The following NTRK3 variants were observed in gnomAD, a reference collection of about 807,000 sequenced individuals.
The protein encoded by NTRK3 is neurotrophic receptor tyrosine kinase 3.
A neutral mutation model predicts 91.7 loss-of-function variants in NTRK3; 24 were observed. The observed-to-expected ratio is 0.26, with a 90% CI of 0.19 to 0.37. NTRK3 has a LOEUF of 0.37. NTRK3 is among the 10% of genes least tolerant of loss of function. NTRK3 has a pLI of 1.00. For synonymous variants in NTRK3, 483 were observed against 404.0 expected, an observed-to-expected ratio of 1.20 and a Z score of -2.34; for missense variants, 880 against 1,068.9, an observed-to-expected ratio of 0.82 and a Z score of 2.46.
intron 17 of NTRK3, 160 bp downstream of exon 17, chr15:87,929,031 A>G (rs2068565019): frequency 2.1e-6 from 2 of 972,122 alleles, no homozygotes. Flanking sequence ...CAGGTATGTC[A>G]AGATGCAAGA....
chr15:88,116,881 A>C (rs2151024165), intron 13 of NTRK3, among the ~76,000 whole-genome samples: 1 of 152,320 alleles, frequency 6.6e-6, no homozygotes, highest in South Asian at 2.1e-4. Flanking sequence ...AATCACCCCA[A>C]GTTTGATTCA....
chr15:88,077,310 A>C (rs1025799398), intron 13 of NTRK3, among the ~76,000 whole-genome samples: 2 of 151,874 alleles, frequency 1.3e-5, no homozygotes, highest in Admixed American at 1.3e-4. Context: ...CCCCAGACCA[A>C]TGTTTTATCT....
chr15:88,057,202 A>T (rs1268091270), intron 13 of NTRK3, among the ~76,000 whole-genome samples: 2 of 150,176 alleles, frequency 1.3e-5, no homozygotes, highest in East Asian at 4.0e-4. Context: ...GAAAAAAAGA[A>T]ATGTGTCCTG....
Position 87,914,251 on chromosome 15 carries a change from C to T in NTRK3, c.2133+14940G>A, listed in dbSNP as rs540162502. Among the ~76,000 whole-genome samples the T allele has an allele frequency of 4.1e-3, 624 of 152,292 alleles. 2 individuals are homozygous for T. The highest frequency in any genetic ancestry group is 0.017 in the Middle Eastern group (5 of 294). ...TTCTCTGTGTGCAATAATAAATTTC[C>T]TTTTGGTGCTAACTCCATTCTTATG... On this transcript the variant is annotated intron_variant, in intron 17 of 18. Transcript: ENST00000394480.
At position 88,098,931 on chromosome 15, in the gene NTRK3, G is replaced by C. The variant is rs1031859056; in HGVS notation, c.1396+27340C>G. The C allele has an allele frequency of 1.7e-5, 4 of 232,426 alleles. No homozygotes were observed. The East Asian group carries it at 1.8e-4, about 11-fold the overall frequency. 14.4% of individuals were successfully genotyped at this position (232,426 alleles called of 1,614,324 possible). The stretch of plus-strand genomic sequence containing the variant: ...AAATCTGTAGGTTTAAAAAAGTCTT[G>C]ATTACTGGGGTTTTTAATTTGTGGC... On this transcript the variant is annotated intron_variant, in intron 13 of 18. Transcript: ENST00000394480.
chr15:88,047,392 G>T (rs2142229745), intron 13 of NTRK3, among the ~76,000 whole-genome samples: 1 of 152,152 alleles, frequency 6.6e-6, no homozygotes, highest in African/African-American at 2.4e-5. Flanking sequence ...GTAGATGGTG[G>T]GGAGATTCTA....
intron 14 of NTRK3, among the ~76,000 whole-genome samples, chr15:87,956,610 C>T (rs535161336): frequency 2.6e-5 from 4 of 151,098 alleles, no homozygotes; most frequent in African/African-American, 9.7e-5. Flanking sequence ...TGCTGTGCTG[C>T]CCAGGCTGGA....
intron 14 of NTRK3, among the ~76,000 whole-genome samples, chr15:87,993,429 T>C (rs551311876): frequency 7.9e-5 from 12 of 152,270 alleles, no homozygotes; most frequent in Middle Eastern, 3.4e-3. Flanking sequence ...AGATTTGTGA[T>C]GATGAAGAAG....
chr15:88,160,246 G>C (rs569160884), intron 5 of NTRK3, among the ~76,000 whole-genome samples: 12 of 152,278 alleles, frequency 7.9e-5, no homozygotes, highest in Admixed American at 3.9e-4. Context: ...GGGAAGAGAC[G>C]AGCACGTAGC....
intron 17 of NTRK3, among the ~76,000 whole-genome samples, chr15:87,886,677 T>TATATATATATAC (rs2065558285): frequency 3.1e-5 from 1 of 31,970 alleles, no homozygotes; most frequent in Admixed American, 3.8e-4. Context: ...CACTTTTTGC[T>TATATATATATAC]ATATATATAT....
exon 19 of NTRK3, chr15:87,873,918 C>T (rs1465888782): frequency 2.2e-5 from 5 of 230,384 alleles, no homozygotes; most frequent in Admixed American, 1.1e-4. Flanking sequence ...CAACTGCCCC[C>T]CACCTATGCA....
chr15:88,079,070 G>C (rs1175673204), intron 13 of NTRK3, among the ~76,000 whole-genome samples: 1 of 152,212 alleles, frequency 6.6e-6, no homozygotes, highest in East Asian at 1.9e-4. Flanking sequence ...GGGGAGCCCA[G>C]TCGGTGGATG....
At chr15:88,225,914 G>A (rs576910466) in intron 3 of NTRK3, among the ~76,000 whole-genome samples, 2 of 152,320 alleles carry the variant, frequency 1.3e-5, no homozygotes, top group Non-Finnish European at 2.9e-5. Context: ...GACATGCACA[G>A]CCTGCTGCTG....
intron 5 of NTRK3, among the ~76,000 whole-genome samples, chr15:88,155,032 C>T (rs2043757064): frequency 6.6e-6 from 1 of 152,142 alleles, no homozygotes; most frequent in African/African-American, 2.4e-5. Flanking sequence ...CAAAACACAG[C>T]CATGTCCATT....
intron 14 of NTRK3, among the ~76,000 whole-genome samples, chr15:87,976,249 C>G (rs1364641888): frequency 1.3e-5 from 2 of 152,178 alleles, no homozygotes; most frequent in East Asian, 3.9e-4. Context: ...GCTTGGTCTA[C>G]CCCTCACCCA....
Position 88,157,120 on chromosome 15 carries a change from C to T in NTRK3, c.396-9717G>A, listed in dbSNP as rs527666359. Among the ~76,000 whole-genome samples the T allele has an allele frequency of 3.3e-5, 5 of 152,234 alleles. No individual in the cohort carries two copies. The South Asian group carries it at 1.0e-3, about 32-fold the overall frequency. ...GGGACCTCTTTCTGTCCCTGTGAAG[C>T]CAACTTCTACACTGCTATGAACTCA... On this transcript the variant is annotated intron_variant, in intron 5 of 18. Transcript: ENST00000394480.
At chr15:88,035,453 C>A (rs896764928) in intron 13 of NTRK3, among the ~76,000 whole-genome samples, 2 of 152,216 alleles carry the variant, frequency 1.3e-5, no homozygotes, top group Non-Finnish European at 2.9e-5. Flanking sequence ...TACCAGCACC[C>A]TGCAGGAGAT....
At chr15:88,217,197 T>G (rs114940350) in intron 3 of NTRK3, among the ~76,000 whole-genome samples, 2,216 of 152,290 alleles carry the variant, frequency 0.015, 63 homozygotes, top group African/African-American at 0.05. Flanking sequence ...AACAGTGTGG[T>G]AGTTCCCCAG....
At chr15:87,924,067 A>G (rs904725584) in intron 17 of NTRK3, among the ~76,000 whole-genome samples, 1 of 152,174 alleles carries the variant, frequency 6.6e-6, no homozygotes, top group Admixed American at 6.5e-5. Context: ...ATTAATATTT[A>G]TTATTTATCA....
Sources: gnomAD v4.1 joint callset for allele counts (sites outside exome capture counted in the v4.1 genomes callset) on GRCh38, gnomAD v4.1.1 for gene constraint, MANE v1.5 for transcripts, NCBI Gene and HGNC (gene_info 2026-07-23, HGNC 2026-07-21) for gene names.